HDAC9: variants seen among roughly 807,000 people sequenced by gnomAD.
HDAC9 encodes the protein MEF-2 interacting transcription repressor (MITR) protein.
In HDAC9, 41 loss-of-function variants were observed where a neutral mutation model predicts 139.4. That is an observed-to-expected ratio of 0.29 (90% confidence interval 0.23 to 0.38). HDAC9 has a LOEUF of 0.38. HDAC9 is among the 10% of genes least tolerant of loss of function. HDAC9 has a pLI of 1.00. For missense variants in HDAC9, 1,147 were observed against 1,297.0 expected (o/e 0.88, Z 1.78); for synonymous variants, 517 against 476.2 (o/e 1.09, Z -1.12).
At chr7:18,341,018 A>G (rs1178195910) in intron 1 of HDAC9, among the ~76,000 whole-genome samples, 1 of 150,680 alleles carries the variant, frequency 6.6e-6, no homozygotes, top group East Asian at 2.0e-4. Context: ...TTCTTTTAGT[A>G]TTTTGAAAAT....
intron 22 of HDAC9, among the ~76,000 whole-genome samples, chr7:18,909,521 T>G (rs1259651309): frequency 6.6e-6 from 1 of 152,094 alleles, no homozygotes; most frequent in Non-Finnish European, 1.5e-5. Context: ...TTCGTAGTTG[T>G]GGGTGTTCCA....
At chr7:18,644,224 A>T (rs1786630636) in intron 8 of HDAC9, among the ~76,000 whole-genome samples, 1 of 152,152 alleles carries the variant, frequency 6.6e-6, no homozygotes, top group Non-Finnish European at 1.5e-5. Context: ...ATTTAATCTA[A>T]GATTTTTCTT....
rs542040634 is a variant in HDAC9 at position 18,280,842 on chromosome 7, ACTT to A, written c.25+118501_25+118503del. On this transcript the variant is annotated intron_variant, in intron 2 of 12. Coordinates refer to the HDAC9 transcript ENST00000417496. ...ATTGAGATGGTCTAATATTGTTATG[ACTT>A]CTTCTTCCATTTAATCATTTATTTA... 2.1e-3 allele frequency among the ~76,000 whole-genome samples: 318 copies of A among 152,164 alleles called. 3 individuals are homozygous for A. Among genetic ancestry groups the A allele is most frequent in the African/African-American group, 6.9e-3 (285 of 41,538 alleles).
chr7:18,137,714 T>C (rs1284853333), intron 1 of HDAC9, among the ~76,000 whole-genome samples: 1 of 151,998 alleles, frequency 6.6e-6, no homozygotes, highest in East Asian at 1.9e-4. Context: ...TGCCAGTATT[T>C]TATTGAGAAT....
chr7:18,552,996 C>T (rs1424227158), intron 2 of HDAC9, among the ~76,000 whole-genome samples: 1 of 152,172 alleles, frequency 6.6e-6, no homozygotes, highest in Non-Finnish European at 1.5e-5. Flanking sequence ...GTTGCATTAA[C>T]TCTTTGAACC....
intron 2 of HDAC9, among the ~76,000 whole-genome samples, chr7:18,172,692 C>G (rs1788547232): frequency 6.6e-6 from 1 of 152,130 alleles, no homozygotes; most frequent in South Asian, 2.1e-4. Flanking sequence ...TTATTTCTGC[C>G]TTCATTTTGT....
intron 21 of HDAC9, among the ~76,000 whole-genome samples, chr7:18,842,573 A>G (rs1466536093): frequency 1.3e-5 from 2 of 152,136 alleles, no homozygotes; most frequent in African/African-American, 4.8e-5. Flanking sequence ...AGATGTTTCA[A>G]AAAGTTTTAT....
At chr7:18,954,630 A>G (rs534707168) in intron 24 of HDAC9, among the ~76,000 whole-genome samples, 4 of 152,228 alleles carry the variant, frequency 2.6e-5, no homozygotes, top group Admixed American at 2.0e-4. Context: ...AAAAAAAATT[A>G]ATGAGAAAGC....
chr7:18,696,560 C>T (rs947995788), intron 12 of HDAC9, among the ~76,000 whole-genome samples: 8 of 151,442 alleles, frequency 5.3e-5, no homozygotes, highest in Non-Finnish European at 1.0e-4. Context: ...CTCCACCTTC[C>T]GGGTTCAAGC....
At chr7:18,264,343 A>C (rs576212130) in intron 2 of HDAC9, among the ~76,000 whole-genome samples, 4 of 152,332 alleles carry the variant, frequency 2.6e-5, no homozygotes, top group Middle Eastern at 3.4e-3. Context: ...CAATGGAATG[A>C]AATTAGAAAT....
chr7:18,412,115 A>C (rs1788622704), intron 1 of HDAC9, among the ~76,000 whole-genome samples: 1 of 152,122 alleles, frequency 6.6e-6, no homozygotes, highest in South Asian at 2.1e-4. Flanking sequence ...GGTGTGAGCC[A>C]CTGCGCCCAG....
chr7:18,204,435 A>C (rs1165022933), intron 2 of HDAC9, among the ~76,000 whole-genome samples: 2 of 151,194 alleles, frequency 1.3e-5, no homozygotes, highest in East Asian at 3.9e-4. Context: ...AAGGATGTAG[A>C]TTTTAACAAA....
At chr7:18,505,622 T>C (rs778863646) in intron 2 of HDAC9, among the ~76,000 whole-genome samples, 2 of 152,208 alleles carry the variant, frequency 1.3e-5, no homozygotes, top group Admixed American at 6.5e-5. Flanking sequence ...TGGATGAATG[T>C]CATATGTTCT....
intron 1 of HDAC9, among the ~76,000 whole-genome samples, chr7:18,421,904 G>A (rs1317102947): frequency 1.3e-5 from 2 of 152,182 alleles, no homozygotes; most frequent in African/African-American, 2.4e-5. Flanking sequence ...TCCCAGAAGG[G>A]ATCATGGTGG....
At chr7:18,473,134 G>A (rs1377093231) in intron 1 of HDAC9, among the ~76,000 whole-genome samples, 1 of 152,210 alleles carries the variant, frequency 6.6e-6, no homozygotes, top group Non-Finnish European at 1.5e-5. Flanking sequence ...AATACAGACA[G>A]GGATCGCCAG....
At chr7:18,435,573 C>G (rs193126716) in intron 1 of HDAC9, among the ~76,000 whole-genome samples, 1 of 152,072 alleles carries the variant, frequency 6.6e-6, no homozygotes, top group East Asian at 1.9e-4. Flanking sequence ...TTACCATAGT[C>G]TACATAGCCA....
intron 11 of HDAC9, among the ~76,000 whole-genome samples, chr7:18,662,600 A>T (rs1793566938): frequency 1.3e-5 from 2 of 152,044 alleles, no homozygotes; most frequent in African/African-American, 4.8e-5. Flanking sequence ...CACTCATTGC[A>T]ACAGCAGGAG....
intron 1 of HDAC9, among the ~76,000 whole-genome samples, chr7:18,116,579 A>G (rs1783998631): frequency 6.6e-6 from 1 of 152,202 alleles, no homozygotes; most frequent in African/African-American, 2.4e-5. Context: ...ATCACATAAA[A>G]TATATATGTT....
intron 1 of HDAC9, among the ~76,000 whole-genome samples, chr7:18,381,397 C>T (rs1337142424): frequency 6.6e-6 from 1 of 151,806 alleles, no homozygotes; most frequent in African/African-American, 2.4e-5. Context: ...TATCTGACCA[C>T]CAAGCAGTAA....
Sources: gnomAD v4.1 joint callset for allele counts (sites outside exome capture counted in the v4.1 genomes callset) on GRCh38, gnomAD v4.1.1 for gene constraint, MANE v1.5 for transcripts, NCBI Gene and HGNC (gene_info 2026-07-23, HGNC 2026-07-21) for gene names.